The following SLC2A9 variants were observed in gnomAD, a reference collection of about 807,000 sequenced individuals.
The protein encoded by SLC2A9 is solute carrier family 2, facilitated glucose transporter member 9.
A neutral mutation model predicts 50.6 loss-of-function variants in SLC2A9; 39 were observed. The observed-to-expected ratio is 0.77, with a 90% CI of 0.60 to 1.01. The LOEUF is 1.01. SLC2A9 is among the 50% of genes least tolerant of loss of function. The pLI, the probability that SLC2A9 is intolerant of heterozygous loss-of-function variation, is 0.00. For synonymous variants in SLC2A9, 324 were observed against 276.9 expected, an observed-to-expected ratio of 1.17 and a Z score of -1.69; for missense variants, 686 against 677.6, an observed-to-expected ratio of 1.01 and a Z score of -0.14.
chr4:9,966,410 C>G (rs1339947927), intron 5 of SLC2A9, among the ~76,000 whole-genome samples: 1 of 152,162 alleles, frequency 6.6e-6, no homozygotes, highest in African/African-American at 2.4e-5. Flanking sequence ...AATCCCAGCA[C>G]TCTGATGGGC....
At chr4:9,930,548 T>C (rs1391578454) in intron 6 of SLC2A9, among the ~76,000 whole-genome samples, 1 of 152,206 alleles carries the variant, frequency 6.6e-6, no homozygotes, top group Non-Finnish European at 1.5e-5. Context: ...GGAAGGCTCA[T>C]GGCAGATGCT....
chr4:9,873,963 T>C (rs544606636), intron 10 of SLC2A9, among the ~76,000 whole-genome samples: 7 of 152,352 alleles, frequency 4.6e-5, no homozygotes, highest in Middle Eastern at 3.4e-3. Flanking sequence ...ACCAGTGTGA[T>C]AATGCTATGT....
intron 5 of SLC2A9, among the ~76,000 whole-genome samples, chr4:9,946,193 G>A (rs1366264799): frequency 6.6e-6 from 1 of 151,716 alleles, no homozygotes; most frequent in Non-Finnish European, 1.5e-5. Flanking sequence ...TGTCAGCCAA[G>A]GTGATTTTTA....
intron 7 of SLC2A9, among the ~76,000 whole-genome samples, chr4:9,914,741 C>T (rs764859081): frequency 6.6e-6 from 1 of 152,040 alleles, no homozygotes; most frequent in Admixed American, 6.6e-5. Flanking sequence ...TTCAACCACC[C>T]CGGCCTTGCT....
chr4:9,789,523 A>G (rs1719635030), intron 3 of SLC2A9, among the ~76,000 whole-genome samples: 2 of 152,214 alleles, frequency 1.3e-5, no homozygotes, highest in African/African-American at 4.8e-5. Context: ...AGCAGACTAG[A>G]CTTGCCTACA....
intron 2 of SLC2A9, among the ~76,000 whole-genome samples, chr4:10,008,898 T>TG (rs58767177): frequency 0.021 from 2,954 of 139,716 alleles, 72 homozygotes; most frequent in African/African-American, 0.055. Context: ...TTCTGTGCGG[T>TG]GGTTTTTTTT....
At chr4:9,955,089 G>T (rs1006820671) in intron 5 of SLC2A9, among the ~76,000 whole-genome samples, 1 of 152,136 alleles carries the variant, frequency 6.6e-6, no homozygotes, top group South Asian at 2.1e-4. Flanking sequence ...TAAACACACG[G>T]CGTGTGCGGC....
chr4:9,879,563 T>C, intron 10 of SLC2A9: 1 of 985,362 alleles, frequency 1.0e-6, no homozygotes. Flanking sequence ...GGGGTCCTTT[T>C]TCCAAGCAAG....
chr4:9,807,822 G>C (rs1174636166), intron 3 of SLC2A9, among the ~76,000 whole-genome samples: 2 of 152,172 alleles, frequency 1.3e-5, no homozygotes, highest in African/African-American at 4.8e-5. Flanking sequence ...AGTTGAGGCT[G>C]GTCAAATGCG....
intron 3 of SLC2A9, among the ~76,000 whole-genome samples, chr4:9,802,006 C>T (rs192861109): frequency 4.1e-4 from 62 of 152,250 alleles, no homozygotes; most frequent in African/African-American, 1.4e-3. Context: ...TGGGCTGCAG[C>T]GCTGGGAGCT....
downstream of SLC2A9, among the ~76,000 whole-genome samples, chr4:9,776,187 C>CTTT (rs75524600): frequency 1.2e-3 from 172 of 141,988 alleles, 1 homozygote; most frequent in South Asian, 4.1e-3. Context: ...GTCTTTCTTT[C>CTTT]TTTTTTTTTT....
At chr4:9,902,065 A>G (rs965434958) in intron 8 of SLC2A9, among the ~76,000 whole-genome samples, 2 of 151,972 alleles carry the variant, frequency 1.3e-5, no homozygotes, top group Admixed American at 1.3e-4. Context: ...CTCTTTCCCA[A>G]AGGTTTTTCT....
chr4:9,776,785 C>G (rs530036239), downstream of SLC2A9, among the ~76,000 whole-genome samples: 1 of 152,118 alleles, frequency 6.6e-6, no homozygotes, highest in Non-Finnish European at 1.5e-5. Flanking sequence ...TATGAAGGCT[C>G]GTAGTTATTG....
At chr4:9,798,536 C>T (rs941672587), downstream of SLC2A9, 1 of 149,690 alleles carries the variant, frequency 6.7e-6, no homozygotes, top group African/African-American at 2.4e-5. Flanking sequence ...GTCAATCCAT[C>T]CATTTTATTT....
chr4:9,835,264 C>T (rs955196173), intron 10 of SLC2A9, among the ~76,000 whole-genome samples: 1 of 151,828 alleles, frequency 6.6e-6, no homozygotes, highest in Admixed American at 6.5e-5. Flanking sequence ...GTCACCACCA[C>T]AACCCAAGCC....
downstream of SLC2A9, among the ~76,000 whole-genome samples, chr4:9,797,803 T>C (rs922606262): frequency 2.0e-5 from 3 of 152,174 alleles, no homozygotes; most frequent in African/African-American, 7.2e-5. Context: ...AATTTTTTTA[T>C]TTTTTTGAAA....
chr4:10,004,991 C>T (rs1469322425), intron 2 of SLC2A9, among the ~76,000 whole-genome samples: 1 of 152,208 alleles, frequency 6.6e-6, no homozygotes, highest in Admixed American at 6.5e-5. Flanking sequence ...ATTCAGCCAA[C>T]AGCCACGAGG....
chr4:9,819,804 C>T (rs1476068897), intron 3 of SLC2A9, among the ~76,000 whole-genome samples: 2 of 152,202 alleles, frequency 1.3e-5, no homozygotes, highest in Non-Finnish European at 2.9e-5. Flanking sequence ...TGCAGTGATG[C>T]GTGCCTGTAA....
intron 1 of SLC2A9, among the ~76,000 whole-genome samples, chr4:10,038,634 G>T (rs943320375): frequency 1.3e-5 from 2 of 151,820 alleles, no homozygotes; most frequent in Admixed American, 1.3e-4. Context: ...GAACTACTGT[G>T]TCAAATTCAA....
Sources: gnomAD v4.1 joint callset for allele counts (sites outside exome capture counted in the v4.1 genomes callset) on GRCh38, gnomAD v4.1.1 for gene constraint, MANE v1.5 for transcripts, NCBI Gene and HGNC (gene_info 2026-07-23, HGNC 2026-07-21) for gene names.